The following RTL9 variants were observed in gnomAD, a reference collection of about 807,000 sequenced individuals.
RTL9 encodes the protein retrotransposon Gag like 9.
A neutral mutation model predicts 44.7 loss-of-function variants in RTL9; 19 were observed. That is an observed-to-expected ratio of 0.42 (90% confidence interval 0.30 to 0.62). The LOEUF is 0.62. Among genes scored for constraint, RTL9 ranks in the 20% least tolerant of loss-of-function variants. The pLI is 0.16. For synonymous variants in RTL9, 407 were observed against 398.9 expected, an observed-to-expected ratio of 1.02 and a Z score of -0.24; for missense variants, 1,105 against 1,080.6, an observed-to-expected ratio of 1.02 and a Z score of -0.32.
At chrX:110,452,939 C>T in exon 1 of RTL9, 1 of 1,211,855 alleles carries the variant, frequency 8.3e-7, no homozygotes, top group South Asian at 1.8e-5. Flanking sequence ...TAATGAGAAC[C>T]TCAGACCCTG....
At chrX:110,370,800 A>G (rs1007206452) in intron 1 of RTL9, among the ~76,000 whole-genome samples, 4 of 112,125 alleles carry the variant, frequency 3.6e-5, no homozygotes, top group African/African-American at 1.3e-4. Flanking sequence ...CACATATAAC[A>G]CATCCATAAC....
intron 1 of RTL9, among the ~76,000 whole-genome samples, chrX:110,367,186 T>G (rs2068302777): frequency 8.9e-6 from 1 of 112,173 alleles, no homozygotes; most frequent in East Asian, 2.8e-4. Context: ...ATGGCATCAA[T>G]TTTTCTTTCA....
chrX:110,384,466 C>T (rs967629754), intron 1 of RTL9, among the ~76,000 whole-genome samples: 2 of 111,710 alleles, frequency 1.8e-5, no homozygotes, highest in African/African-American at 6.5e-5. Flanking sequence ...AAACCTAGCA[C>T]ATAATAACAT....
chrX:110,367,470 T>A (rs1328393833), intron 1 of RTL9, among the ~76,000 whole-genome samples: 1 of 111,683 alleles, frequency 9.0e-6, no homozygotes, highest in East Asian at 2.8e-4. Flanking sequence ...AACAGCGGCA[T>A]TTGACACAGT....
intron 1 of RTL9, among the ~76,000 whole-genome samples, chrX:110,431,896 A>G (rs1353188515): frequency 1.8e-5 from 2 of 111,887 alleles, no homozygotes; most frequent in Non-Finnish European, 3.8e-5. Flanking sequence ...TTAGAAGCAT[A>G]TTAGGTGAGA....
At chrX:110,435,698 A>G (rs759795792) in intron 1 of RTL9, among the ~76,000 whole-genome samples, 1 of 111,799 alleles carries the variant, frequency 8.9e-6, no homozygotes, top group Non-Finnish European at 1.9e-5. Flanking sequence ...ACTTCTACTG[A>G]TTTCTCTGTT....
In RTL9 at chrX:110,452,182, C is replaced by G. The variant is rs746253760; in HGVS notation, c.1565C>G (p.Thr522Arg). Residue 522 changes from threonine to arginine, a missense_variant, in exon 1 of 2, where the codon ACA (threonine) becomes AGA (arginine). Transcript: ENST00000540313. ...CCAGTTACGGCAACAGCCTCTGAAACAATGTCCATGCCACAATTGACAGTC... is the reference window on the plus strand; with the variant it reads ...CCAGTTACGGCAACAGCCTCTGAAAGAATGTCCATGCCACAATTGACAGTC... The G allele has an allele frequency of 1.7e-6, 2 of 1,211,573 alleles. No individual in the cohort carries two copies. Among genetic ancestry groups the G allele is most frequent in the South Asian group, 3.5e-5 (2 of 56,965 alleles).
intron 1 of RTL9, among the ~76,000 whole-genome samples, chrX:110,438,913 C>T (rs751084209): frequency 1.8e-5 from 2 of 112,173 alleles, no homozygotes; most frequent in African/African-American, 3.2e-5. Context: ...TATTCTTATT[C>T]ATGGCTGAGG....
rs755483656 is a variant in RTL9, at chrX:110,378,008, CAAAAAAA to C, written c.-168+19110_-168+19116del. ...TGGGCGACAGAGCGAGACTCCGTCT[CAAAAAAA>C]AAAAAAAAAAAAAAAAATATCTACC... On this transcript the variant is annotated intron_variant, in intron 1 of 2. Transcript: ENST00000520821. Among the ~76,000 whole-genome samples the C allele has an allele frequency of 3.2e-4, 10 of 30,945 alleles. No individual in the cohort carries two copies. The South Asian group carries it at 0.012, about 36-fold the overall frequency. 26.9% of individuals were successfully genotyped at this position (30,945 alleles called of 115,157 possible). A position where few individuals can be genotyped will look rare whatever the true frequency, so the allele number is the denominator to read the frequency against.
intron 1 of RTL9, among the ~76,000 whole-genome samples, chrX:110,435,118 A>C (rs1406700984): frequency 3.1e-5 from 1 of 32,325 alleles, no homozygotes; most frequent in Admixed American, 4.6e-4. Flanking sequence ...GGGAGGAGGA[A>C]GGAGGGAGGG....
chrX:110,438,054 CT>C (rs1285508490), intron 1 of RTL9, among the ~76,000 whole-genome samples: 1 of 111,760 alleles, frequency 8.9e-6, no homozygotes, highest in African/African-American at 3.3e-5. Flanking sequence ...AGAATAGAAT[CT>C]TCCCTTTCTG....
At chrX:110,451,825 T>C (rs148882130) in exon 1 of RTL9, 2 of 1,211,386 alleles carry the variant, frequency 1.7e-6, no homozygotes, top group South Asian at 3.5e-5. Context: ...GCACCACCAG[T>C]AAGAGCTTTA....
At chrX:110,433,184 C>A (rs1033864656) in intron 1 of RTL9, among the ~76,000 whole-genome samples, 3 of 112,489 alleles carry the variant, frequency 2.7e-5, no homozygotes, top group African/African-American at 9.7e-5. Flanking sequence ...TCAAGCCGAG[C>A]CTGACGTCAC....
chrX:110,415,365 G>A (rs926244978), upstream of RTL9, among the ~76,000 whole-genome samples: 12 of 112,496 alleles, frequency 1.1e-4, no homozygotes, highest in Non-Finnish European at 2.1e-4. Context: ...GATAAAGACT[G>A]GAAGAGAACT....
At chrX:110,391,490 T>C (rs908399106) in intron 1 of RTL9, among the ~76,000 whole-genome samples, 6 of 112,219 alleles carry the variant, frequency 5.3e-5, no homozygotes, top group African/African-American at 1.9e-4. Context: ...ATTTTCTATA[T>C]CATTATTGCA....
At chrX:110,393,903 T>C (rs2068511565) in intron 1 of RTL9, among the ~76,000 whole-genome samples, 1 of 112,046 alleles carries the variant, frequency 8.9e-6, no homozygotes, top group Non-Finnish European at 1.9e-5. Context: ...TGAATACAAA[T>C]TATTGGAAAA....
At chrX:110,370,213 T>C (rs1489675783) in intron 1 of RTL9, among the ~76,000 whole-genome samples, 1 of 111,516 alleles carries the variant, frequency 9.0e-6, no homozygotes, top group Non-Finnish European at 1.9e-5. Context: ...TTTTTATTTA[T>C]TATTATTTTT....
Position 110,363,927 on chromosome X carries a change from T to C in RTL9, c.-168+5011T>C, listed in dbSNP as rs2068280413. 8.1e-5 allele frequency among the ~76,000 whole-genome samples: 9 copies of C among 111,440 alleles called. 1 individual carries two copies. The highest frequency in any genetic ancestry group is 3.8e-4 in the Admixed American group (4 of 10,510). ...ATGACGGAACTGAGGCTCAGAGAGG[T>C]TATGTGACTTAAGCCCATAAAACGG... On this transcript the variant is annotated intron_variant, in intron 1 of 2. Transcript: ENST00000520821.
At chrX:110,423,850 C>A (rs1415309180) in intron 1 of RTL9, among the ~76,000 whole-genome samples, 1 of 112,271 alleles carries the variant, frequency 8.9e-6, no homozygotes, top group African/African-American at 3.2e-5. Context: ...TGGTAAGAAA[C>A]AGGTGGTTAA....
Sources: allele counts gnomAD v4.1 joint callset (sites outside exome capture counted in the v4.1 genomes callset), GRCh38; gene constraint gnomAD v4.1.1; transcripts MANE v1.5; gene names NCBI Gene and HGNC (gene_info 2026-07-23, HGNC 2026-07-21).